DDAH1: variants seen among roughly 807,000 people sequenced by gnomAD.
DDAH1 encodes dimethylarginine dimethylaminohydrolase 1.
In DDAH1, 19 loss-of-function variants were observed where a neutral mutation model predicts 28.8. The ratio of observed to expected loss-of-function variants is 0.66; its 90% confidence interval spans 0.46 to 0.97. The LOEUF is 0.97. Among genes scored for constraint, DDAH1 ranks in the 50% least tolerant of loss-of-function variants. The probability of loss-of-function intolerance (pLI) is 0.00; values close to 1 mark genes in which losing one functional copy is unlikely to be tolerated. For synonymous variants in DDAH1, 153 were observed against 154.4 expected (o/e 0.99, Z 0.07); for missense variants, 326 against 375.9 (o/e 0.87, Z 1.10).
intron 1 of DDAH1, among the ~76,000 whole-genome samples, chr1:85,402,077 T>C (rs1246282583): frequency 6.6e-6 from 1 of 151,776 alleles, no homozygotes; most frequent in Admixed American, 6.6e-5. Context: ...CCTCAAACTC[T>C]TGGGCTCAAG....
intron 1 of DDAH1, among the ~76,000 whole-genome samples, chr1:85,547,606 A>T (rs925933648): frequency 3.3e-5 from 5 of 152,190 alleles, no homozygotes; most frequent in Admixed American, 3.3e-4. Flanking sequence ...CATTCCATCA[A>T]CTACATTATA....
At chr1:85,414,794 A>C (rs756834144) in intron 1 of DDAH1, among the ~76,000 whole-genome samples, 46 of 152,268 alleles carry the variant, frequency 3.0e-4, no homozygotes, top group Middle Eastern at 3.4e-3. Context: ...ACTGCCTGGC[A>C]GATGGGATGT....
intron 1 of DDAH1, chr1:85,404,563 AGT>A: frequency 7.4e-7 from 1 of 1,349,746 alleles, no homozygotes; most frequent in Non-Finnish European, 9.5e-7. Context: ...AAAAAATAGG[AGT>A]TCATTTTCCA....
intron 1 of DDAH1, among the ~76,000 whole-genome samples, chr1:85,551,483 T>C (rs192899886): frequency 1.5e-3 from 232 of 152,296 alleles, no homozygotes; most frequent in African/African-American, 5.3e-3. Context: ...ATTCAGAGTG[T>C]TAGGATTTCT....
At chr1:85,508,995 G>A (rs1657128953) in intron 1 of DDAH1, among the ~76,000 whole-genome samples, 1 of 152,242 alleles carries the variant, frequency 6.6e-6, no homozygotes, top group South Asian at 2.1e-4. Flanking sequence ...TTTGAGCTCT[G>A]AGAACAGACA....
chr1:85,479,020 GT>G (rs1655897402), intron 2 of DDAH1, among the ~76,000 whole-genome samples: 1 of 151,984 alleles, frequency 6.6e-6, no homozygotes, highest in African/African-American at 2.4e-5. Flanking sequence ...CCTTTTGAAA[GT>G]TTACATTTAA....
At chr1:85,493,580 T>C (rs1179113315) in intron 2 of DDAH1, 1 of 152,184 alleles carries the variant, frequency 6.6e-6, no homozygotes, top group African/African-American at 2.4e-5. Context: ...ACCTCTTAAA[T>C]AGAGAAATTT....
chr1:85,445,013 T>TCG (rs1044641967), intron 1 of DDAH1, among the ~76,000 whole-genome samples: 1 of 152,124 alleles, frequency 6.6e-6, no homozygotes, highest in Non-Finnish European at 1.5e-5. Context: ...GCAGGAAGCA[T>TCG]CGCGCACAGG....
chr1:85,575,534 T>G (rs1659577333), intron 1 of DDAH1, among the ~76,000 whole-genome samples: 2 of 152,220 alleles, frequency 1.3e-5, no homozygotes, highest in Non-Finnish European at 2.9e-5. Context: ...AATACAACAC[T>G]CCTTTTCTCC....
In DDAH1 at chr1:85,464,367, C is replaced by T; in HGVS notation, c.303+376G>A. On this transcript the variant is annotated intron_variant, in intron 1 of 5. Transcript: ENST00000284031. This position sits in a 1 kb window ranked among gnomAD's most constrained non-coding sequence, Gnocchi z 4.4. ...CCCTGGAGGGACGCCCAGCCTCCACCCGCCCTACCGGAGCGGCACCCCTCG... is the reference window on the plus strand; with the variant it reads ...CCCTGGAGGGACGCCCAGCCTCCACTCGCCCTACCGGAGCGGCACCCCTCG... 2.5e-6 allele frequency: 2 copies of T among 794,182 alleles called. No individual in the cohort carries two copies. Among genetic ancestry groups the T allele is most frequent in the East Asian group, 5.3e-5 (1 of 18,978 alleles). The allele number at this position is 794,182 out of a possible 1,614,324, so 49.2% of individuals were successfully genotyped here.
chr1:85,390,457 C>G (rs377435124), intron 1 of DDAH1, among the ~76,000 whole-genome samples: 6 of 152,262 alleles, frequency 3.9e-5, no homozygotes. Flanking sequence ...AACCATGTCA[C>G]CTACTGACCT....
chr1:85,377,416 A>G (rs1344878706), intron 1 of DDAH1, among the ~76,000 whole-genome samples: 1 of 152,106 alleles, frequency 6.6e-6, no homozygotes, highest in Non-Finnish European at 1.5e-5. Flanking sequence ...CTGGGATTTC[A>G]TCATTTCATG....
chr1:85,342,822 G>C lies in DDAH1; in HGVS notation c.597+7593C>G, dbSNP rs573720152. The stretch of plus-strand genomic sequence containing the variant: ...GCTCTCAACCTTGGCCTGTGCATTA[G>C]AATCACCTGCAGAGCTTTTAAAAAA... On this transcript the variant is annotated intron_variant, in intron 4 of 5. Coordinates refer to ENST00000284031, the MANE Select transcript of DDAH1 (RefSeq NM_012137.4). Among the ~76,000 whole-genome samples the C allele has an allele frequency of 2.6e-5, 4 of 152,270 alleles. No homozygotes were observed. In the South Asian group the frequency reaches 8.3e-4, roughly 32 times the overall value.
intron 1 of DDAH1, among the ~76,000 whole-genome samples, chr1:85,454,838 T>C (rs1039046944): frequency 6.6e-6 from 1 of 152,168 alleles, no homozygotes; most frequent in Non-Finnish European, 1.5e-5. Flanking sequence ...CTAGTCATAA[T>C]TGGACTGTTT....
At chr1:85,498,242 C>T (rs1421100659) in intron 1 of DDAH1, among the ~76,000 whole-genome samples, 1 of 152,108 alleles carries the variant, frequency 6.6e-6, no homozygotes, top group Non-Finnish European at 1.5e-5. Flanking sequence ...TTGCTTCATC[C>T]AACCCAGCAG....
At chr1:85,514,347 A>G (rs1204619938) in intron 1 of DDAH1, among the ~76,000 whole-genome samples, 1 of 152,132 alleles carries the variant, frequency 6.6e-6, no homozygotes, top group Non-Finnish European at 1.5e-5. Flanking sequence ...GATCACTTGG[A>G]CACAGGGTGG....
At chr1:85,504,648 G>A (rs934561844) in intron 1 of DDAH1, among the ~76,000 whole-genome samples, 4 of 152,254 alleles carry the variant, frequency 2.6e-5, no homozygotes, top group South Asian at 4.2e-4. Flanking sequence ...GAACAACACT[G>A]AGACAGTGAT....
In DDAH1 at chr1:85,332,437, A is replaced by G. The variant is rs542151188; in HGVS notation, c.598-7554T>C. ...TGAAATAAAACCCTGTTCCCACAGT[A>G]GAAGGGCTGCTTCACACTAGCATGT... On this transcript the variant is annotated intron_variant, in intron 4 of 5. Coordinates refer to ENST00000284031, the MANE Select transcript of DDAH1 (RefSeq NM_012137.4). 3.3e-5 allele frequency among the ~76,000 whole-genome samples: 5 copies of G among 152,340 alleles called. No individual in the cohort carries two copies. In the East Asian group the frequency reaches 7.7e-4, roughly 24 times the overall value.
rs1655269065 is a variant in DDAH1 at position 85,464,641 on chromosome 1, T to C, written c.303+102A>G. ...CCCCCGACGGGAAGTTGTGAACTAC[T>C]AGCCCGAGGGCCAATGGCGCGACTC... On this transcript the variant is annotated intron_variant, in intron 1 of 5. Coordinates refer to ENST00000284031, the MANE Select transcript of DDAH1 (RefSeq NM_012137.4). The surrounding 1 kb of genome is among the most constrained non-coding windows in gnomAD (Gnocchi z 4.4). 6.7e-7 allele frequency: 1 copy of C among 1,492,028 alleles called. No individual in the cohort carries two copies. Among genetic ancestry groups the C allele is most frequent in the East Asian group, 2.5e-5 (1 of 39,548 alleles). The allele number at this position is 1,492,028 out of a possible 1,614,324, so 92.4% of individuals were successfully genotyped here. A position where few individuals can be genotyped will look rare whatever the true frequency, so the allele number is the denominator to read the frequency against.
Sources: allele counts gnomAD v4.1 joint callset (sites outside exome capture counted in the v4.1 genomes callset), GRCh38; gene constraint gnomAD v4.1.1; non-coding constraint Gnocchi (gnomAD v3.1); transcripts MANE v1.5; gene names NCBI Gene and HGNC (gene_info 2026-07-23, HGNC 2026-07-21).